LARGE1: variants seen among roughly 807,000 people sequenced by gnomAD.
The protein encoded by LARGE1 is xylosyl- and glucuronyltransferase LARGE1.
Under a neutral mutation model 87.6 loss-of-function variants are expected in LARGE1, and 43 were observed. The ratio of observed to expected loss-of-function variants is 0.49; its 90% CI spans 0.38 to 0.63. The LOEUF (loss-of-function observed/expected upper bound fraction) is 0.63, where lower values mean the gene tolerates loss of function less well. Among genes scored for constraint, LARGE1 ranks in the 30% least tolerant of loss-of-function variants. The probability of loss-of-function intolerance (pLI) is 0.00; values close to 1 mark genes in which losing one functional copy is unlikely to be tolerated. For synonymous variants in LARGE1, 434 were observed against 394.6 expected (o/e 1.10, Z -1.18); for missense variants, 802 against 1,000.2 (o/e 0.80, Z 2.67).
intron 11 of LARGE1, among the ~76,000 whole-genome samples, chr22:33,315,776 C>T (rs767531028): frequency 2.0e-5 from 3 of 152,112 alleles, no homozygotes; most frequent in Non-Finnish European, 4.4e-5. Flanking sequence ...ATTACAGGCG[C>T]ACACCACCAT....
At chr22:33,850,786 C>T (rs2063561980) in intron 1 of LARGE1, among the ~76,000 whole-genome samples, 1 of 152,084 alleles carries the variant, frequency 6.6e-6, no homozygotes, top group Non-Finnish European at 1.5e-5. Context: ...ATCCCAGGCC[C>T]CTCATCTGAT....
chr22:33,460,080 G>A (rs530531484), intron 6 of LARGE1, among the ~76,000 whole-genome samples: 3 of 152,334 alleles, frequency 2.0e-5, no homozygotes, highest in South Asian at 2.1e-4. Flanking sequence ...ATGGCATGGC[G>A]CTAAGGGGCT....
At chr22:33,818,820 A>G (rs779394635) in intron 1 of LARGE1, among the ~76,000 whole-genome samples, 2 of 152,168 alleles carry the variant, frequency 1.3e-5, no homozygotes, top group African/African-American at 4.8e-5. Flanking sequence ...GCAAATTGGC[A>G]GGGTAAGAAC....
intron 10 of LARGE1, among the ~76,000 whole-genome samples, chr22:33,319,318 A>G (rs1343114201): frequency 1.3e-5 from 2 of 152,206 alleles, no homozygotes; most frequent in Non-Finnish European, 2.9e-5. Context: ...TTGCTGGAAG[A>G]TGAGACATCT....
intron 12 of LARGE1, among the ~76,000 whole-genome samples, chr22:33,288,580 T>C (rs1214809902): frequency 6.6e-6 from 1 of 152,246 alleles, no homozygotes; most frequent in African/African-American, 2.4e-5. Context: ...TGGTAAGACA[T>C]GCTGCTTACT....
intron 6 of LARGE1, among the ~76,000 whole-genome samples, chr22:33,504,652 A>T (rs532625965): frequency 2.0e-5 from 3 of 152,320 alleles, no homozygotes; most frequent in African/African-American, 7.2e-5. Flanking sequence ...AAGCCGTGTG[A>T]AATAGATCAG....
chr22:33,139,101 C>T, the LARGE1 span, among the ~76,000 whole-genome samples: 2 of 152,106 alleles, frequency 1.3e-5, no homozygotes, highest in South Asian at 2.1e-4. Flanking sequence ...TGCCTTCCAC[C>T]GTGATTGTGA....
chr22:33,497,101 T>C (rs2070173923), intron 6 of LARGE1, among the ~76,000 whole-genome samples: 1 of 146,376 alleles, frequency 6.8e-6, no homozygotes, highest in African/African-American at 2.6e-5. Flanking sequence ...GGAGACGGAG[T>C]CTCACTCTGT....
intron 1 of LARGE1, among the ~76,000 whole-genome samples, chr22:33,840,585 T>G (rs1289498295): frequency 6.6e-6 from 1 of 152,178 alleles, no homozygotes; most frequent in African/African-American, 2.4e-5. Context: ...CTATTGGATC[T>G]ATTGCCCTCC....
chr22:33,192,417 T>C (rs1399343385), intron 11 of LARGE1, among the ~76,000 whole-genome samples: 1 of 152,186 alleles, frequency 6.6e-6, no homozygotes, highest in Non-Finnish European at 1.5e-5. Flanking sequence ...TCCCAGATGA[T>C]TAGTGATGCT....
At chr22:33,419,230 T>C (rs1252244650) in intron 7 of LARGE1, among the ~76,000 whole-genome samples, 4 of 151,992 alleles carry the variant, frequency 2.6e-5, no homozygotes, top group South Asian at 4.2e-4. Flanking sequence ...AAGTACAGCA[T>C]AGGGGAACCA....
At chr22:33,253,690 C>A (rs755920563) in intron 11 of LARGE1, among the ~76,000 whole-genome samples, 1 of 152,106 alleles carries the variant, frequency 6.6e-6, no homozygotes, top group Non-Finnish European at 1.5e-5. Flanking sequence ...CCAGCCTGGA[C>A]GACAGAGCGA....
intron 7 of LARGE1, among the ~76,000 whole-genome samples, chr22:33,430,992 C>A (rs562727326): frequency 6.6e-6 from 1 of 152,352 alleles, no homozygotes; most frequent in South Asian, 2.1e-4. Context: ...TCCCAACCCA[C>A]TTCATTTGCT....
intron 10 of LARGE1, among the ~76,000 whole-genome samples, chr22:33,317,685 A>G (rs1936302957): frequency 6.6e-6 from 1 of 152,212 alleles, no homozygotes; most frequent in African/African-American, 2.4e-5. Flanking sequence ...CCCAACAGAC[A>G]CGGTCTCATG....
At chr22:33,358,593 T>G (rs2064266527) in intron 9 of LARGE1, among the ~76,000 whole-genome samples, 1 of 152,172 alleles carries the variant, frequency 6.6e-6, no homozygotes, top group Admixed American at 6.5e-5. Context: ...GCTGGCATCT[T>G]TTCTCTTGGT....
intron 12 of LARGE1, among the ~76,000 whole-genome samples, chr22:33,294,048 C>T (rs142274390): frequency 3.5e-4 from 54 of 152,368 alleles, no homozygotes; most frequent in Non-Finnish European, 5.9e-4. Context: ...TCTTTTCTCA[C>T]CAGGATGACT....
chr22:33,264,115 A>G (rs1179575306), intron 11 of LARGE1, among the ~76,000 whole-genome samples: 1 of 152,218 alleles, frequency 6.6e-6, no homozygotes, highest in Non-Finnish European at 1.5e-5. Flanking sequence ...AATCAACTGA[A>G]TTTGTGTTTA....
chr22:33,809,661 G>A (rs1215093031), intron 1 of LARGE1, among the ~76,000 whole-genome samples: 1 of 152,006 alleles, frequency 6.6e-6, no homozygotes, highest in Non-Finnish European at 1.5e-5. Flanking sequence ...AGAGCTAACA[G>A]GTGAAACTAA....
the LARGE1 span, among the ~76,000 whole-genome samples, chr22:33,099,904 A>G: frequency 1.3e-5 from 2 of 152,178 alleles, no homozygotes; most frequent in African/African-American, 2.4e-5. Flanking sequence ...GCATTTCCAT[A>G]ACAGCTGTTT....
Sources: gnomAD v4.1 joint callset for allele counts (sites outside exome capture counted in the v4.1 genomes callset) on GRCh38, gnomAD v4.1.1 for gene constraint, MANE v1.5 for transcripts, NCBI Gene and HGNC (gene_info 2026-07-23, HGNC 2026-07-21) for gene names.